ADAMTSL1: variants seen among roughly 807,000 people sequenced by gnomAD.
ADAMTSL1 encodes the protein ADAMTS like 1.
A neutral mutation model predicts 201.8 loss-of-function variants in ADAMTSL1; 126 were observed. The observed-to-expected ratio is 0.62, with a 90% CI of 0.54 to 0.72. The LOEUF is 0.72. Among genes scored for constraint, ADAMTSL1 ranks in the 30% least tolerant of loss-of-function variants. The pLI, the probability that ADAMTSL1 is intolerant of heterozygous loss-of-function variation, is 0.00. For synonymous variants in ADAMTSL1, 1,121 were observed against 903.4 expected (o/e 1.24, Z -4.32); for missense variants, 2,679 against 2,277.8 (o/e 1.18, Z -3.59).
At chr9:17,944,318 T>C (rs1827364254) in intron 1 of ADAMTSL1, among the ~76,000 whole-genome samples, 3 of 151,912 alleles carry the variant, frequency 2.0e-5, no homozygotes, top group Admixed American at 6.6e-5. Context: ...TAAAAGAAGA[T>C]ACAAACAAAT....
chr9:18,410,791 A>T (rs1030777252), intron 2 of ADAMTSL1, among the ~76,000 whole-genome samples: 42 of 150,936 alleles, frequency 2.8e-4, no homozygotes, highest in African/African-American at 1.0e-3. Context: ...TTTGCCCTGA[A>T]TCTTTTAATC....
intron 1 of ADAMTSL1, among the ~76,000 whole-genome samples, chr9:17,998,493 A>C (rs1018260424): frequency 6.6e-6 from 1 of 152,046 alleles, no homozygotes; most frequent in East Asian, 1.9e-4. Context: ...TCACAGATAA[A>C]GCGGTATTAA....
intron 23 of ADAMTSL1, among the ~76,000 whole-genome samples, chr9:18,868,305 T>C (rs1017401974): frequency 6.6e-5 from 10 of 152,204 alleles, no homozygotes; most frequent in African/African-American, 2.4e-4. Flanking sequence ...TTTGTTTCCA[T>C]CGACTGATTT....
chr9:17,985,143 C>A (rs1449175610), intron 1 of ADAMTSL1, among the ~76,000 whole-genome samples: 1 of 152,060 alleles, frequency 6.6e-6, no homozygotes, highest in Admixed American at 6.6e-5. Context: ...AAGTTTTCAG[C>A]TTTTGCTTGA....
At position 18,492,205 on chromosome 9, in the gene ADAMTSL1, T is replaced by C. The variant is rs577574057; in HGVS notation, c.64-12624T>C. 1.9e-3 allele frequency among the ~76,000 whole-genome samples: 294 copies of C among 152,272 alleles called. 2 individuals carry two copies. Among genetic ancestry groups the C allele is most frequent in the African/African-American group, 6.4e-3 (266 of 41,580 alleles). On this transcript the variant is annotated intron_variant, in intron 1 of 28. Coordinates refer to ENST00000380548, the MANE Select transcript of ADAMTSL1 (RefSeq NM_001040272.6). Reference sequence around the variant, plus strand: ...CATGAAGATTATTGATATAGCACATTATAATACAAACATCACAGGAAGAAA... The same window carrying C: ...CATGAAGATTATTGATATAGCACATCATAATACAAACATCACAGGAAGAAA...
Position 18,256,012 on chromosome 9 carries a change from T to C in ADAMTSL1, c.207+92031T>C, listed in dbSNP as rs146820523. Among the ~76,000 whole-genome samples the C allele has an allele frequency of 4.9e-3, 745 of 152,360 alleles. 6 individuals carry two copies. The highest frequency in any genetic ancestry group is 0.017 in the African/African-American group (705 of 41,578). On this transcript the variant is annotated intron_variant, in intron 2 of 29. Transcript: ENST00000680146. ...ATGTCTGGATGACTACAACATTATC[T>C]TTGGCAATCTTCCTTGTTTCCTATT...
chr9:18,165,141 A>G (rs941176904), intron 2 of ADAMTSL1, among the ~76,000 whole-genome samples: 2 of 151,828 alleles, frequency 1.3e-5, no homozygotes, highest in African/African-American at 4.8e-5. Flanking sequence ...GGACCTACAC[A>G]TTGTCACCTA....
intron 15 of ADAMTSL1, among the ~76,000 whole-genome samples, chr9:18,749,205 A>G (rs2133590736): frequency 6.6e-6 from 1 of 152,160 alleles, no homozygotes; most frequent in African/African-American, 2.4e-5. Flanking sequence ...TTTTTTGGAG[A>G]CACAGGTCAA....
chr9:18,567,766 T>C (rs1035998608), intron 3 of ADAMTSL1, among the ~76,000 whole-genome samples: 57 of 152,346 alleles, frequency 3.7e-4, no homozygotes, highest in African/African-American at 1.3e-3. Context: ...TGTATCTATG[T>C]ACTTATGTAA....
chr9:18,656,707 T>C (rs1828709720), intron 7 of ADAMTSL1, among the ~76,000 whole-genome samples: 1 of 152,058 alleles, frequency 6.6e-6, no homozygotes, highest in South Asian at 2.1e-4. Flanking sequence ...AGTTGGACTC[T>C]GATACTTCTC....
At chr9:18,583,569 A>G (rs904016235) in intron 4 of ADAMTSL1, among the ~76,000 whole-genome samples, 2 of 152,118 alleles carry the variant, frequency 1.3e-5, no homozygotes, top group East Asian at 1.9e-4. Context: ...GAAAGCTGTG[A>G]GACAAGGGCC....
chr9:18,657,888 T>C (rs1828802876), intron 8 of ADAMTSL1, 138 bp downstream of exon 8: 1 of 670,606 alleles, frequency 1.5e-6, no homozygotes, highest in Non-Finnish European at 2.6e-6. Flanking sequence ...CAGAGTGGAA[T>C]CTCGAGGCCC....
intron 2 of ADAMTSL1, among the ~76,000 whole-genome samples, chr9:18,520,269 G>C (rs1420032530): frequency 6.6e-6 from 1 of 152,162 alleles, no homozygotes; most frequent in African/African-American, 2.4e-5. Flanking sequence ...CAACCAGAGA[G>C]GATGTTGTCT....
At chr9:18,281,450 G>A (rs536306579) in intron 2 of ADAMTSL1, among the ~76,000 whole-genome samples, 267 of 152,264 alleles carry the variant, frequency 1.8e-3, no homozygotes, top group African/African-American at 6.0e-3. Flanking sequence ...GTGCACAGAC[G>A]ATGAGAGGTC....
chr9:18,574,814 G>A (rs1822604550), intron 4 of ADAMTSL1, among the ~76,000 whole-genome samples: 1 of 152,110 alleles, frequency 6.6e-6, no homozygotes, highest in South Asian at 2.1e-4. Context: ...CTTTAAAACA[G>A]GATTACAAAA....
chr9:18,158,104 T>C (rs1827233540), intron 1 of ADAMTSL1, among the ~76,000 whole-genome samples: 1 of 152,000 alleles, frequency 6.6e-6, no homozygotes, highest in Admixed American at 6.6e-5. Context: ...CTGCTCTCTG[T>C]ATAAATGGCC....
At chr9:18,189,833 A>G (rs1828897651) in intron 2 of ADAMTSL1, among the ~76,000 whole-genome samples, 1 of 152,094 alleles carries the variant, frequency 6.6e-6, no homozygotes, top group Non-Finnish European at 1.5e-5. Flanking sequence ...GGACTTTTAA[A>G]CTCTCTGAGA....
At chr9:18,131,940 T>C (rs1018192439) in intron 1 of ADAMTSL1, among the ~76,000 whole-genome samples, 12 of 152,164 alleles carry the variant, frequency 7.9e-5, no homozygotes, top group African/African-American at 2.9e-4. Flanking sequence ...CAGGAAGTTC[T>C]TCAGGAAGAA....
At chr9:18,248,022 G>C (rs1246301164) in intron 2 of ADAMTSL1, among the ~76,000 whole-genome samples, 1 of 152,126 alleles carries the variant, frequency 6.6e-6, no homozygotes, top group Non-Finnish European at 1.5e-5. Flanking sequence ...TTCCTTATCT[G>C]TGGTTCATTC....
Sources: gnomAD v4.1 joint callset for allele counts (sites outside exome capture counted in the v4.1 genomes callset) on GRCh38, gnomAD v4.1.1 for gene constraint, MANE v1.5 for transcripts, NCBI Gene and HGNC (gene_info 2026-07-23, HGNC 2026-07-21) for gene names.